Variants in EBF2 observed in about 807,000 individuals in gnomAD.
EBF2 encodes EBF transcription factor 2.
EBF2 carries 21 observed loss-of-function variants against 72.8 expected under a neutral mutation model. The observed-to-expected ratio is 0.29, with a 90% confidence interval of 0.20 to 0.42. EBF2 has a LOEUF of 0.42. Among genes scored for constraint, EBF2 ranks in the 10% least tolerant of loss-of-function variants. The pLI is 1.00. For synonymous variants in EBF2, 299 were observed against 274.2 expected (o/e 1.09, Z -0.89); for missense variants, 637 against 731.2 (o/e 0.87, Z 1.49).
chr8:25,869,209 C>A (rs138285953), intron 10 of EBF2, among the ~76,000 whole-genome samples: 1 of 152,176 alleles, frequency 6.6e-6, no homozygotes, highest in Non-Finnish European at 1.5e-5. Context: ...AAGAGAGTAT[C>A]TTTTTGTCTT....
At chr8:25,937,736 T>C (rs1280567833) in intron 6 of EBF2, among the ~76,000 whole-genome samples, 2 of 152,200 alleles carry the variant, frequency 1.3e-5, no homozygotes, top group Non-Finnish European at 2.9e-5. Flanking sequence ...TGAGTGGCTC[T>C]ACCACTGTGT....
At position 25,992,810 on chromosome 8, in the gene EBF2, G is replaced by A. The variant is rs995304414; in HGVS notation, c.551+40275C>T. Among the ~76,000 whole-genome samples, 7 of 151,740 alleles carry A rather than the reference G, an allele frequency of 4.6e-5. No homozygotes were observed. The East Asian group carries it at 9.7e-4, about 21-fold the overall frequency. ...TCCCAGCTACTTAGGAGGCTGAGGT[G>A]GGAGGATAGCTTGAGCCCACGGAGC... On this transcript the variant is annotated intron_variant, in intron 6 of 15. Transcript: ENST00000520164.
intron 6 of EBF2, among the ~76,000 whole-genome samples, chr8:25,957,118 A>C (rs1803961356): frequency 6.6e-6 from 1 of 152,238 alleles, no homozygotes; most frequent in Non-Finnish European, 1.5e-5. Context: ...GTTTGAAAGA[A>C]GGATGGCTGT....
chr8:25,898,695 T>C (rs996450598), intron 7 of EBF2, among the ~76,000 whole-genome samples: 1 of 152,192 alleles, frequency 6.6e-6, no homozygotes, highest in Non-Finnish European at 1.5e-5. Flanking sequence ...ATAACATATT[T>C]GATGCAGTTC....
intron 1 of EBF2, among the ~76,000 whole-genome samples, chr8:26,043,914 G>A (rs1460494864): frequency 1.3e-5 from 2 of 152,130 alleles, no homozygotes; most frequent in South Asian, 2.1e-4. Context: ...CCCGGACATG[G>A]TATTTACTAT....
At chr8:26,018,204 G>C (rs1176503590) in intron 6 of EBF2, among the ~76,000 whole-genome samples, 1 of 151,636 alleles carries the variant, frequency 6.6e-6, no homozygotes, top group Non-Finnish European at 1.5e-5. Flanking sequence ...CAAGCACGCT[G>C]TCAGTTGGCT....
chr8:25,996,374 C>T (rs1201426682), intron 6 of EBF2, among the ~76,000 whole-genome samples: 1 of 150,576 alleles, frequency 6.6e-6, no homozygotes, highest in African/African-American at 2.4e-5. Flanking sequence ...TCCCAAAAGG[C>T]AAAAATTGTT....
At chr8:25,880,874 T>C (rs749934886) in intron 10 of EBF2, among the ~76,000 whole-genome samples, 16 of 152,276 alleles carry the variant, frequency 1.1e-4, no homozygotes, top group Non-Finnish European at 1.8e-4. Flanking sequence ...TGAACTCCCT[T>C]AGCACGTTAT....
intron 6 of EBF2, among the ~76,000 whole-genome samples, chr8:25,988,535 C>T (rs1033751701): frequency 6.6e-6 from 1 of 152,174 alleles, no homozygotes; most frequent in African/African-American, 2.4e-5. Flanking sequence ...CATATGATCT[C>T]AGCTTCAGTC....
chr8:25,861,180 C>G lies in EBF2; in HGVS notation c.1211G>C (p.Ser404Thr), dbSNP rs1334451034. ...RAADIAEALYSVPRNPSQLPA... is the reference protein window; with the variant it reads ...RAADIAEALYTVPRNPSQLPA... Reference sequence around the variant, plus strand: ...AAGCTGGCTGGGATTCCTGGGGACGCTGTAGAGAGCTTCAGCAATGTCTGC... The same window carrying G: ...AAGCTGGCTGGGATTCCTGGGGACGGTGTAGAGAGCTTCAGCAATGTCTGC... The change falls in exon 13 of 16, where the codon AGC becomes ACC. Residue 404 changes from serine (S) to threonine (T), a missense_variant. Physicochemically the swap from Ser to Thr is moderately conservative, Grantham distance 58. Around this residue, in one of 3 missense-constraint regions of EBF2, gnomAD observed 259 missense variants for 268.1 expected, o/e 0.97. Coordinates refer to ENST00000520164, the MANE Select transcript of EBF2 (RefSeq NM_022659.4). 1 of 1,613,846 alleles carries G rather than the reference C, an allele frequency of 6.2e-7. No homozygotes were observed. Among genetic ancestry groups the G allele is most frequent in the Non-Finnish European group, 8.5e-7 (1 of 1,179,882 alleles).
chr8:25,973,110 G>C (rs1804216313), intron 6 of EBF2, among the ~76,000 whole-genome samples: 1 of 151,742 alleles, frequency 6.6e-6, no homozygotes, highest in Non-Finnish European at 1.5e-5. Flanking sequence ...CAGTTTCCAG[G>C]GTATGGAACA....
At chr8:25,936,084 A>G (rs193037851) in intron 6 of EBF2, among the ~76,000 whole-genome samples, 1 of 152,218 alleles carries the variant, frequency 6.6e-6, no homozygotes, top group East Asian at 1.9e-4. Context: ...GGTTAGAGGC[A>G]GCAGAGGAGT....
intron 6 of EBF2, among the ~76,000 whole-genome samples, chr8:25,990,980 T>C (rs968750358): frequency 1.3e-5 from 2 of 152,216 alleles, no homozygotes; most frequent in African/African-American, 4.8e-5. Context: ...AACTGCTAAG[T>C]CCTAGCTGAA....
chr8:25,984,880 G>T (rs1444923624), intron 6 of EBF2, among the ~76,000 whole-genome samples: 1 of 148,550 alleles, frequency 6.7e-6, no homozygotes, highest in Non-Finnish European at 1.5e-5. Flanking sequence ...TGTTCTCAAA[G>T]ATTTTTATCC....
chr8:25,976,963 T>G (rs1804278200), intron 6 of EBF2, among the ~76,000 whole-genome samples: 1 of 152,230 alleles, frequency 6.6e-6, no homozygotes, highest in Non-Finnish European at 1.5e-5. Context: ...GAGTTGCAGC[T>G]CCCAGTGAAT....
At chr8:25,964,227 G>A (rs1464175173) in intron 6 of EBF2, among the ~76,000 whole-genome samples, 2 of 152,142 alleles carry the variant, frequency 1.3e-5, no homozygotes, top group African/African-American at 4.8e-5. Context: ...GAGAGCTTCG[G>A]TGAGTGTCTG....
intron 15 of EBF2, among the ~76,000 whole-genome samples, chr8:25,846,077 T>C (rs532051776): frequency 1.3e-5 from 2 of 152,346 alleles, no homozygotes; most frequent in South Asian, 4.1e-4. Flanking sequence ...GATTAAGGTC[T>C]TACACAGCTA....
chr8:25,948,673 T>C (rs1263852797), intron 6 of EBF2, among the ~76,000 whole-genome samples: 1 of 152,110 alleles, frequency 6.6e-6, no homozygotes, highest in African/African-American at 2.4e-5. Flanking sequence ...CCATGACTCA[T>C]AAAGTAAAGG....
intron 6 of EBF2, among the ~76,000 whole-genome samples, chr8:26,008,721 C>T (rs1432449824): frequency 8.6e-6 from 1 of 116,840 alleles, no homozygotes; most frequent in Non-Finnish European, 1.8e-5. Context: ...TATCCCAGGC[C>T]TTTGTTTCCT....
Sources: allele counts gnomAD v4.1 joint callset (sites outside exome capture counted in the v4.1 genomes callset), GRCh38; gene constraint gnomAD v4.1.1; regional missense constraint gnomAD v4.1.1; transcripts MANE v1.5; gene names NCBI Gene and HGNC (gene_info 2026-07-23, HGNC 2026-07-21).